Variants in PCLO observed in about 807,000 individuals in gnomAD.
PCLO encodes protein piccolo.
Under a neutral mutation model 427.5 loss-of-function variants are expected in PCLO, and 82 were observed. The observed-to-expected ratio is 0.19, with a 90% CI of 0.16 to 0.23. The LOEUF (loss-of-function observed/expected upper bound fraction) is 0.23. Among genes scored for constraint, PCLO ranks in the 10% least tolerant of loss-of-function variants. PCLO has a pLI of 1.00. For missense variants in PCLO, 6,239 were observed against 6,115.9 expected (o/e 1.02, Z -0.67); for synonymous variants, 2,357 against 2,155.4 (o/e 1.09, Z -2.59).
chr7:82,816,767 G>A (rs1201376614), intron 20 of PCLO, among the ~76,000 whole-genome samples: 1 of 152,066 alleles, frequency 6.6e-6, no homozygotes, highest in Non-Finnish European at 1.5e-5. Flanking sequence ...CAGATGAAAT[G>A]AACATATAAA....
At chr7:83,076,180 A>G (rs1462487246) in intron 3 of PCLO, among the ~76,000 whole-genome samples, 1 of 151,532 alleles carries the variant, frequency 6.6e-6, no homozygotes, top group Non-Finnish European at 1.5e-5. Context: ...TCATATTGAA[A>G]TGTTTATAAA....
chr7:83,095,212 T>A (rs1385805077), intron 3 of PCLO, among the ~76,000 whole-genome samples: 1 of 146,598 alleles, frequency 6.8e-6, no homozygotes, highest in African/African-American at 2.8e-5. Context: ...TGAGGAATCG[T>A]TTTTTTCTAC....
chr7:82,938,670 A>G (rs1374126062), intron 6 of PCLO, among the ~76,000 whole-genome samples: 1 of 152,004 alleles, frequency 6.6e-6, no homozygotes, highest in Non-Finnish European at 1.5e-5. Flanking sequence ...AAGGATGAAA[A>G]TAACAGGTCA....
chr7:83,009,485 GAGA>G (rs1313286025), intron 3 of PCLO, among the ~76,000 whole-genome samples: 1 of 151,832 alleles, frequency 6.6e-6, no homozygotes, highest in African/African-American at 2.4e-5. Flanking sequence ...GAAGTATAAT[GAGA>G]AGGAGATAAT....
Position 83,155,306 on chromosome 7 carries a change from C to A in PCLO, c.1335G>T (p.Gly445=), listed in dbSNP as rs1178942450. ...CCTGTTGAGCTGGAATCTTTCCTGG[C>A]CCAGGCTGCTGAACTGGAGTCTTTG... is the stretch of plus-strand genomic sequence containing the variant. ...GPTKTPVQQP[G]PGKIPAQQAG... The change falls in exon 2 of 25, where the codon GGG becomes GGT. Residue 445 remains glycine (G), a synonymous_variant. Transcript: ENST00000333891. The A allele has an allele frequency of 6.2e-7, 1 of 1,613,904 alleles. No individual in the cohort carries two copies. Among genetic ancestry groups the A allele is most frequent in the Non-Finnish European group, 8.5e-7 (1 of 1,179,862 alleles).
rs182267659 is a variant in PCLO at position 83,022,018 on chromosome 7, C to A, written c.3301-55531G>T. On this transcript the variant is annotated intron_variant, in intron 3 of 24. Coordinates refer to ENST00000333891, the MANE Select transcript of PCLO (RefSeq NM_033026.6). ...CTGAATGGTCTGAATGTATGTGTTC[C>A]TCCAAAAATTGTATGCCAAAATCTA... Among the ~76,000 whole-genome samples the A allele has an allele frequency of 2.8e-4, 42 of 152,166 alleles. No individual in the cohort carries two copies. In the East Asian group the frequency reaches 7.7e-3, roughly 28 times the overall value.
chr7:82,773,564 G>T (rs1469989392), intron 22 of PCLO, among the ~76,000 whole-genome samples: 1 of 151,952 alleles, frequency 6.6e-6, no homozygotes, highest in East Asian at 1.9e-4. Flanking sequence ...TTCTTCAGAA[G>T]CAACATAAAG....
intron 3 of PCLO, among the ~76,000 whole-genome samples, chr7:83,020,568 C>G (rs564326499): frequency 1.3e-5 from 2 of 152,118 alleles, no homozygotes; most frequent in Non-Finnish European, 2.9e-5. Flanking sequence ...TGCTCTGCCA[C>G]GTAAGAACAT....
intron 3 of PCLO, among the ~76,000 whole-genome samples, chr7:83,120,338 G>T (rs1791242829): frequency 1.3e-5 from 2 of 149,404 alleles, no homozygotes; most frequent in Non-Finnish European, 3.0e-5. Flanking sequence ...GGAGGCAGAG[G>T]TTGAGGGAGC....
rs1441719161 is a variant in PCLO, at chr7:83,162,515, A to G, written c.78T>C (p.Ala26=). Residue 26 remains alanine, a synonymous_variant, in exon 1 of 25, where the codon GCT becomes GCC. Transcript: ENST00000333891. The part of the protein sequence containing the change: ...LAAAAAAGGG[A]SGAGSPSHTA... ...TGTGAGAGGGGCTCCCCGCCCCGCT[A>G]GCTCCTCCTCCAGCCGCTGCGGCCG... 1.3e-6 allele frequency: 2 copies of G among 1,561,332 alleles called. No homozygotes were observed.
chr7:82,863,301 G>C (rs530368613), intron 10 of PCLO, among the ~76,000 whole-genome samples: 66 of 151,994 alleles, frequency 4.3e-4, no homozygotes, highest in African/African-American at 1.3e-3. Flanking sequence ...AAATAACATA[G>C]AGAAGTCAGT....
chr7:82,941,508 G>A (rs1044276613), intron 6 of PCLO, among the ~76,000 whole-genome samples: 4 of 152,076 alleles, frequency 2.6e-5, no homozygotes, highest in Non-Finnish European at 4.4e-5. Context: ...ACACTGATGT[G>A]GGCTTCACAT....
At position 82,758,672 on chromosome 7, in the gene PCLO, A is replaced by G; in HGVS notation, c.15332T>C (p.Leu5111Ser). The G allele has an allele frequency of 6.2e-7, 1 of 1,608,512 alleles. No individual in the cohort carries two copies. Among genetic ancestry groups the G allele is most frequent in the Non-Finnish European group, 8.5e-7 (1 of 1,175,882 alleles). The change falls in exon 25 of 25, where the codon TTG (leucine) becomes TCG (serine). Residue 5111 changes from leucine (L) to serine (S), a missense_variant. By Grantham distance (145) the Leu-to-Ser change is moderately radical. This residue lies in a region of PCLO where 877 missense variants were observed against 925.5 expected (regional missense o/e 0.95). Coordinates refer to ENST00000333891, the MANE Select transcript of PCLO (RefSeq NM_033026.6). The part of the protein sequence containing the change: ...SNGGKFMKKT[L>S]IGEACIWLDK... Reference sequence around the variant, plus strand: ...AAGCCAGATACAGGCTTCACCAATCAAGGTCTTTTTCATAAACTTCCCTCC... The same window carrying G: ...AAGCCAGATACAGGCTTCACCAATCGAGGTCTTTTTCATAAACTTCCCTCC...
intron 10 of PCLO, among the ~76,000 whole-genome samples, chr7:82,859,261 CA>C (rs1792891536): frequency 2.6e-5 from 4 of 152,254 alleles, no homozygotes; most frequent in Admixed American, 2.6e-4. Context: ...TGAACATAGG[CA>C]ATAGACAGGA....
chr7:82,835,392 T>C (rs1464759318), intron 16 of PCLO, among the ~76,000 whole-genome samples: 3 of 152,224 alleles, frequency 2.0e-5, no homozygotes, highest in Non-Finnish European at 4.4e-5. Context: ...TATGAGACTT[T>C]AGTTATGTCT....
chr7:82,861,299 T>C (rs1206879738), intron 10 of PCLO, among the ~76,000 whole-genome samples: 1 of 151,824 alleles, frequency 6.6e-6, no homozygotes, highest in African/African-American at 2.4e-5. Flanking sequence ...AATGGGAACC[T>C]AGAAATTAAT....
At chr7:83,093,843 TTG>T (rs1376916389) in intron 3 of PCLO, among the ~76,000 whole-genome samples, 18 of 114,484 alleles carry the variant, frequency 1.6e-4, no homozygotes, top group Non-Finnish European at 5.4e-5. Context: ...GTTTACTGAT[TTG>T]TTTTTTTTTT....
At chr7:83,000,092 G>A (rs1303684421) in intron 3 of PCLO, among the ~76,000 whole-genome samples, 1 of 149,658 alleles carries the variant, frequency 6.7e-6, no homozygotes, top group Admixed American at 6.7e-5. Flanking sequence ...CATTAACTAG[G>A]TATATCATAT....
Position 82,916,779 on chromosome 7 carries a change from G to C in PCLO, c.11207C>G (p.Thr3736Ser), listed in dbSNP as rs1794478434. ...NPPPEEISTGTQSTFSTMGTV... is the reference protein window; with the variant it reads ...NPPPEEISTGSQSTFSTMGTV... ...GCCCATTGTGCTGAATGTGGATTGA[G>C]TTCCTGTGGAAATCTCCTCAGGAGG... Residue 3736 changes from threonine (T) to serine (S), a missense_variant, in exon 7 of 25, where the codon ACT becomes AGT. By Grantham distance (58) the Thr-to-Ser change is moderately conservative. This residue lies in a region of PCLO where 4,677 missense variants were observed against 4,468.4 expected (regional missense o/e 1.05). Coordinates refer to ENST00000333891, the MANE Select transcript of PCLO (RefSeq NM_033026.6). The C allele has an allele frequency of 1.2e-6, 2 of 1,613,512 alleles. No individual in the cohort carries two copies. Among genetic ancestry groups the C allele is most frequent in the Non-Finnish European group, 1.7e-6 (2 of 1,179,694 alleles).
Sources: allele counts gnomAD v4.1 joint callset (sites outside exome capture counted in the v4.1 genomes callset), GRCh38; gene constraint gnomAD v4.1.1; regional missense constraint gnomAD v4.1.1; transcripts MANE v1.5; gene names NCBI Gene and HGNC (gene_info 2026-07-23, HGNC 2026-07-21).